C2CD5: variants seen among roughly 807,000 people sequenced by gnomAD.
C2CD5 encodes the protein C2 calcium dependent domain containing 5, also known as C2 domain-containing protein 5.
C2CD5 carries 109 observed loss-of-function variants against 130.3 expected under a neutral mutation model. The observed-to-expected ratio is 0.84, with a 90% CI of 0.72 to 0.98. C2CD5 has a LOEUF of 0.98. C2CD5 is among the 50% of genes least tolerant of loss of function. The probability of loss-of-function intolerance (pLI) is 0.00; values close to 1 mark genes in which losing one functional copy is unlikely to be tolerated. For synonymous variants in C2CD5, 454 were observed against 429.2 expected (o/e 1.06, Z -0.71); for missense variants, 996 against 1,261.8 (o/e 0.79, Z 3.19).
At chr12:22,536,295 A>C (rs939139737) in intron 2 of C2CD5, among the ~76,000 whole-genome samples, 4 of 152,190 alleles carry the variant, frequency 2.6e-5, no homozygotes, top group Admixed American at 1.3e-4. Context: ...AAGCTGACTC[A>C]CTTTGTACCT....
chr12:22,532,423 A>C (rs1565807870), intron 3 of C2CD5, among the ~76,000 whole-genome samples: 1 of 152,238 alleles, frequency 6.6e-6, no homozygotes, highest in East Asian at 1.9e-4. Context: ...AGCCACCTCA[A>C]TACTACTCTG....
intron 3 of C2CD5, among the ~76,000 whole-genome samples, chr12:22,529,021 T>A (rs1950973462): frequency 6.6e-6 from 1 of 152,150 alleles, no homozygotes; most frequent in African/African-American, 2.4e-5. Flanking sequence ...TAATTTGGAA[T>A]TCACAGATGA....
At chr12:22,452,649 A>T (rs1938944889) in intron 26 of C2CD5, among the ~76,000 whole-genome samples, 1 of 152,238 alleles carries the variant, frequency 6.6e-6, no homozygotes, top group Non-Finnish European at 1.5e-5. Context: ...TTTCTTCAAC[A>T]TGTTAATGAA....
At chr12:22,533,268 G>A (rs1474301626) in intron 3 of C2CD5, among the ~76,000 whole-genome samples, 2 of 152,188 alleles carry the variant, frequency 1.3e-5, no homozygotes, top group Non-Finnish European at 2.9e-5. Flanking sequence ...CTACCACTTA[G>A]CTAGCTCTGG....
intron 8 of C2CD5, among the ~76,000 whole-genome samples, chr12:22,516,769 T>C (rs1030923496): frequency 1.1e-4 from 16 of 151,766 alleles, no homozygotes; most frequent in Non-Finnish European, 2.1e-4. Context: ...CTTGTCTTGA[T>C]TGTCATGAAT....
intron 14 of C2CD5, among the ~76,000 whole-genome samples, chr12:22,481,701 T>A (rs1176964336): frequency 6.8e-6 from 1 of 146,194 alleles, no homozygotes; most frequent in Non-Finnish European, 1.5e-5. Context: ...GTCGCCTCGG[T>A]TGGAGTGCAG....
intron 2 of C2CD5, among the ~76,000 whole-genome samples, chr12:22,537,399 A>G (rs1044999991): frequency 1.3e-5 from 2 of 152,214 alleles, no homozygotes; most frequent in Non-Finnish European, 2.9e-5. Flanking sequence ...CTTTCAAACA[A>G]GAAAACAAAT....
Position 22,449,645 on chromosome 12 carries a change from C to T in C2CD5, c.*115G>A, listed in dbSNP as rs1938085368. 2.1e-6 allele frequency: 2 copies of T among 944,952 alleles called. No individual in the cohort carries two copies. The highest frequency in any genetic ancestry group is 2.5e-5 in the East Asian group (1 of 39,916). 58.5% of individuals were successfully genotyped at this position (944,952 alleles called of 1,614,324 possible). On this transcript the variant is annotated 3_prime_UTR_variant, in exon 27 of 27. Transcript: ENST00000446597. ...AAAGACTCCAGGCAAATCAAATCTA[C>T]TCAATTCTTCCTTATTTATCTCAAG...
At chr12:22,476,968 G>A (rs773204717) in intron 15 of C2CD5, among the ~76,000 whole-genome samples, 1 of 152,030 alleles carries the variant, frequency 6.6e-6, no homozygotes, top group African/African-American at 2.4e-5. Flanking sequence ...GTAGAGTGGT[G>A]CACAGAGAAC....
chr12:22,535,545 T>C (rs11609566), intron 2 of C2CD5, among the ~76,000 whole-genome samples: 23,951 of 152,052 alleles, frequency 0.16, 3,795 homozygotes, highest in African/African-American at 0.41. Flanking sequence ...CAATCACCCA[T>C]TGCTCTGCTT....
intron 11 of C2CD5, among the ~76,000 whole-genome samples, chr12:22,491,596 G>A (rs934640279): frequency 1.3e-5 from 2 of 152,044 alleles, no homozygotes; most frequent in African/African-American, 4.8e-5. Context: ...ATCTCTGGCC[G>A]GGTGTGGTGG....
intron 21 of C2CD5, 106 bp from the exon 22 acceptor site, chr12:22,469,901 C>T (rs1942744141): frequency 1.7e-6 from 1 of 584,310 alleles, no homozygotes; most frequent in African/African-American, 2.0e-5. Flanking sequence ...GCTCCATCTC[C>T]CCACCCCAAT....
At chr12:22,454,771 C>T (rs1026791818) in intron 25 of C2CD5, among the ~76,000 whole-genome samples, 8 of 152,100 alleles carry the variant, frequency 5.3e-5, no homozygotes, top group East Asian at 3.9e-4. Flanking sequence ...TAATGTCCAC[C>T]GTGCTCCAGT....
chr12:22,475,163 T>C (rs1336803336), intron 15 of C2CD5, among the ~76,000 whole-genome samples: 2 of 152,154 alleles, frequency 1.3e-5, no homozygotes, highest in African/African-American at 2.4e-5. Flanking sequence ...ACAATGTGTA[T>C]GGAATTGGCA....
chr12:22,484,970 T>C (rs1347843643), intron 12 of C2CD5, 82 bp from the exon 13 acceptor site: 16 of 598,552 alleles, frequency 2.7e-5, no homozygotes, highest in South Asian at 2.3e-4. Context: ...TGATATTACA[T>C]ACACAGTACT....
chr12:22,503,239 T>C (rs541238075), intron 10 of C2CD5, among the ~76,000 whole-genome samples: 36 of 152,318 alleles, frequency 2.4e-4, no homozygotes, highest in African/African-American at 7.7e-4. Flanking sequence ...CATTTGAGAA[T>C]GCAAACACAA....
intron 3 of C2CD5, among the ~76,000 whole-genome samples, chr12:22,529,902 A>C (rs954202647): frequency 6.6e-6 from 1 of 151,794 alleles, no homozygotes; most frequent in African/African-American, 2.4e-5. Context: ...TCCAGGTGCT[A>C]AACTGGAGCC....
At chr12:22,469,680 G>GT in intron 22 of C2CD5, 29 bp downstream of exon 22, 1 of 1,383,358 alleles carries the variant, frequency 7.2e-7, no homozygotes, top group Non-Finnish European at 1.0e-6. Context: ...ACCAGGATTT[G>GT]TGTTTGCTTT....
intron 22 of C2CD5, 55 bp from the exon 23 acceptor site, chr12:22,459,597 TC>T (rs1940690563): frequency 9.2e-7 from 1 of 1,086,340 alleles, no homozygotes; most frequent in African/African-American, 1.6e-5. Context: ...AGCCAGTACC[TC>T]TTCTTTGTTA....
Sources: allele counts gnomAD v4.1 joint callset (sites outside exome capture counted in the v4.1 genomes callset), GRCh38; gene constraint gnomAD v4.1.1; transcripts MANE v1.5; gene names NCBI Gene and HGNC (gene_info 2026-07-23, HGNC 2026-07-21).